Variants in CLIC5 observed in about 807,000 individuals in gnomAD.
The protein encoded by CLIC5 is chloride intracellular channel protein 5.
In CLIC5, 20 loss-of-function variants were observed where a neutral mutation model predicts 24.7. The ratio of observed to expected loss-of-function variants is 0.81; its 90% CI spans 0.57 to 1.18. The LOEUF is 1.18. Ranked by LOEUF, CLIC5 falls within the 50% of genes most tolerant of loss-of-function variation. CLIC5 has a pLI of 0.00. For synonymous variants in CLIC5, 159 were observed against 135.6 expected, an observed-to-expected ratio of 1.17 and a Z score of -1.20; for missense variants, 341 against 326.1, an observed-to-expected ratio of 1.05 and a Z score of -0.35.
chr6:46,089,064 A>G, the CLIC5 span, among the ~76,000 whole-genome samples: 27 of 152,172 alleles, frequency 1.8e-4, no homozygotes, highest in Non-Finnish European at 8.8e-5. Context: ...CAATTGATCT[A>G]TGCATATTTA....
chr6:45,887,978 A>C (rs1762319855), intron 6 of CLIC5, among the ~76,000 whole-genome samples: 1 of 152,240 alleles, frequency 6.6e-6, no homozygotes, highest in African/African-American at 2.4e-5. Flanking sequence ...TGGCTTGTTG[A>C]AGAGACAGAA....
At chr6:45,959,671 G>T (rs1044666326) in intron 1 of CLIC5, among the ~76,000 whole-genome samples, 1 of 152,094 alleles carries the variant, frequency 6.6e-6, no homozygotes, top group Admixed American at 6.5e-5. Context: ...GTCTGAGTAA[G>T]CATGGTGTGT....
intron 1 of CLIC5, among the ~76,000 whole-genome samples, chr6:46,029,589 AC>A (rs1037776636): frequency 6.6e-6 from 1 of 152,204 alleles, no homozygotes; most frequent in Non-Finnish European, 1.5e-5. Context: ...CAAATGTTTA[AC>A]AAGAAACTAA....
At chr6:45,903,636 T>A (rs1274465280) in intron 5 of CLIC5, among the ~76,000 whole-genome samples, 2 of 152,190 alleles carry the variant, frequency 1.3e-5, no homozygotes, top group African/African-American at 4.8e-5. Flanking sequence ...ACAAATAAAA[T>A]GTCATAGTGG....
exon 1 of CLIC5, chr6:46,080,065 A>T (rs1364339587): frequency 1.4e-5 from 22 of 1,551,704 alleles, no homozygotes; most frequent in Non-Finnish European, 1.9e-5. Context: ...GTATAGACTG[A>T]CACAAAATCA....
the CLIC5 span, among the ~76,000 whole-genome samples, chr6:46,085,635 G>T: frequency 3.3e-5 from 5 of 152,326 alleles, no homozygotes; most frequent in East Asian, 9.6e-4. Context: ...TCCTCTGGAA[G>T]TTTTGTCTCA....
intron 6 of CLIC5, among the ~76,000 whole-genome samples, chr6:45,890,446 T>C (rs1215348637): frequency 1.3e-5 from 2 of 152,190 alleles, no homozygotes; most frequent in African/African-American, 4.8e-5. Flanking sequence ...CAAAGGGAAC[T>C]CTTATACACT....
At chr6:45,949,449 T>C (rs1764397828) in intron 2 of CLIC5, 68 bp from the exon 3 acceptor site, 3 of 1,545,054 alleles carry the variant, frequency 1.9e-6, no homozygotes, top group Admixed American at 3.7e-5. Context: ...AAACCTAAGA[T>C]TGATTGTAAC....
intron 1 of CLIC5, among the ~76,000 whole-genome samples, chr6:46,056,812 A>ATCTTGTTT (rs1768273471): frequency 6.6e-6 from 1 of 152,136 alleles, no homozygotes; most frequent in Non-Finnish European, 1.5e-5. Context: ...TCTGTATCTG[A>ATCTTGTTT]TCTTGTTTCT....
chr6:46,098,130 T>C, the CLIC5 span, among the ~76,000 whole-genome samples: 1 of 152,220 alleles, frequency 6.6e-6, no homozygotes, highest in South Asian at 2.1e-4. Flanking sequence ...GTCTTCGATT[T>C]CTAAAAGTTA....
chr6:46,009,478 C>A (rs1766723022), intron 1 of CLIC5, among the ~76,000 whole-genome samples: 1 of 152,122 alleles, frequency 6.6e-6, no homozygotes, highest in African/African-American at 2.4e-5. Flanking sequence ...GAGTCCTTTA[C>A]AGAACTACAT....
intron 5 of CLIC5, among the ~76,000 whole-genome samples, chr6:45,905,480 CTTT>C (rs36089623): frequency 8.0e-5 from 10 of 125,270 alleles, no homozygotes; most frequent in Admixed American, 1.6e-4. Context: ...TGATACTGAG[CTTT>C]TTTTTTTTTT....
chr6:45,958,671 C>A (rs1764748718), intron 1 of CLIC5, among the ~76,000 whole-genome samples: 1 of 151,414 alleles, frequency 6.6e-6, no homozygotes, highest in Non-Finnish European at 1.5e-5. Context: ...TGTATGATTG[C>A]ACTTCATCTG....
At chr6:45,952,925 G>A (rs1305024279) in intron 2 of CLIC5, among the ~76,000 whole-genome samples, 1 of 152,178 alleles carries the variant, frequency 6.6e-6, no homozygotes, top group African/African-American at 2.4e-5. Context: ...TAATTGCATA[G>A]TGGATGCAAG....
chr6:46,061,778 G>A (rs771260629), intron 1 of CLIC5, among the ~76,000 whole-genome samples: 15 of 152,126 alleles, frequency 9.9e-5, no homozygotes, highest in Non-Finnish European at 2.1e-4. Flanking sequence ...TATCACAGAT[G>A]TTCTTTTTCA....
chr6:46,036,793 T>C (rs1767675456), intron 1 of CLIC5, among the ~76,000 whole-genome samples: 1 of 152,250 alleles, frequency 6.6e-6, no homozygotes, highest in Non-Finnish European at 1.5e-5. Flanking sequence ...GTAGTTTCCA[T>C]ACTTTATATG....
intron 6 of CLIC5, among the ~76,000 whole-genome samples, chr6:45,884,116 G>T: frequency 6.6e-6 from 1 of 152,150 alleles, no homozygotes; most frequent in African/African-American, 2.4e-5. Context: ...TGCCTCCAGG[G>T]GCCTGGGCTC....
At chr6:45,914,458 A>T (rs750650654) in intron 4 of CLIC5, 49 bp from the exon 5 acceptor site, 2 of 1,517,634 alleles carry the variant, frequency 1.3e-6, no homozygotes, top group Non-Finnish European at 1.8e-6. Flanking sequence ...TTGCCAGTGG[A>T]TACAGTCATA....
At chr6:46,027,896 A>G (rs1767385493) in intron 1 of CLIC5, among the ~76,000 whole-genome samples, 1 of 152,230 alleles carries the variant, frequency 6.6e-6, no homozygotes, top group African/African-American at 2.4e-5. Context: ...ATTGCATTGA[A>G]GTTCATTCCA....
Sources: gnomAD v4.1 joint callset for allele counts (sites outside exome capture counted in the v4.1 genomes callset) on GRCh38, gnomAD v4.1.1 for gene constraint, MANE v1.5 for transcripts, NCBI Gene and HGNC (gene_info 2026-07-23, HGNC 2026-07-21) for gene names.